The following IGSF11 variants were observed in gnomAD, a reference collection of about 807,000 sequenced individuals.
IGSF11 encodes the protein immunoglobulin superfamily member 11, also known as CXADR like 1.
A neutral mutation model predicts 41.0 loss-of-function variants in IGSF11; 22 were observed. The observed-to-expected ratio is 0.54, with a 90% confidence interval of 0.38 to 0.77. The LOEUF (loss-of-function observed/expected upper bound fraction) is 0.77, where lower values mean the gene tolerates loss of function less well. Ranked by LOEUF, IGSF11 falls within the 30% of genes least tolerant of loss-of-function variation. The pLI, the probability that IGSF11 is intolerant of heterozygous loss-of-function variation, is 0.00. For missense variants in IGSF11, 444 were observed against 530.8 expected (o/e 0.84, Z 1.61); for synonymous variants, 219 against 201.3 (o/e 1.09, Z -0.74).
chr3:119,085,302 C>T (rs1391663747), intron 1 of IGSF11, among the ~76,000 whole-genome samples: 1 of 152,160 alleles, frequency 6.6e-6, no homozygotes, highest in African/African-American at 2.4e-5. Flanking sequence ...CTAATTCTCC[C>T]ACCTGCGAAA....
At chr3:119,067,632 T>G (rs1033963026) in intron 1 of IGSF11, among the ~76,000 whole-genome samples, 4 of 151,604 alleles carry the variant, frequency 2.6e-5, no homozygotes, top group African/African-American at 7.3e-5. Flanking sequence ...GGGAAAAAAC[T>G]TTAGATTTTT....
intron 1 of IGSF11, among the ~76,000 whole-genome samples, chr3:119,091,996 G>A (rs887197691): frequency 4.6e-5 from 4 of 87,890 alleles, no homozygotes; most frequent in African/African-American, 6.5e-5. Flanking sequence ...GTTTTTTTGG[G>A]GGGGGGGGGT....
At chr3:119,064,501 C>T (rs1942157968) in intron 1 of IGSF11, among the ~76,000 whole-genome samples, 1 of 144,256 alleles carries the variant, frequency 6.9e-6, no homozygotes, top group Non-Finnish European at 1.5e-5. Flanking sequence ...CTGAGATTGC[C>T]TTGGCTGCTC....
At chr3:118,929,260 T>C (rs998422940) in intron 2 of IGSF11, among the ~76,000 whole-genome samples, 2 of 152,240 alleles carry the variant, frequency 1.3e-5, no homozygotes, top group African/African-American at 4.8e-5. Flanking sequence ...CTCAGTTCTA[T>C]TCAAGCTCTA....
At chr3:118,915,315 G>A (rs1199800533) in intron 4 of IGSF11, among the ~76,000 whole-genome samples, 72 of 122,034 alleles carry the variant, frequency 5.9e-4, no homozygotes, top group African/African-American at 2.6e-3. Flanking sequence ...TCTGAGCTAC[G>A]GGAGGACATT....
rs545969559 is a variant in IGSF11, at chr3:118,935,377, C to T, written c.53-5102G>A. Among the ~76,000 whole-genome samples, 476 of 106,622 alleles carry T rather than the reference C, an allele frequency of 4.5e-3. 1 individual carries two copies. Among genetic ancestry groups the T allele is most frequent in the South Asian group, 0.021 (76 of 3,536 alleles). 69.9% of individuals were successfully genotyped at this position (106,622 alleles called of 152,430 possible). ...ATGTATATACACCCTGAGATATATA[C>T]ACACACACACACACACACATACACA... On this transcript the variant is annotated intron_variant, in intron 1 of 6. Transcript: ENST00000393775.
intron 1 of IGSF11, among the ~76,000 whole-genome samples, chr3:118,953,379 T>C (rs1185106292): frequency 6.6e-6 from 1 of 152,214 alleles, no homozygotes; most frequent in Non-Finnish European, 1.5e-5. Context: ...TATCTTTTTG[T>C]ATAATGACTT....
At chr3:119,081,736 TA>T (rs1190255305) in intron 1 of IGSF11, among the ~76,000 whole-genome samples, 1 of 152,204 alleles carries the variant, frequency 6.6e-6, no homozygotes, top group Non-Finnish European at 1.5e-5. Flanking sequence ...TGCTGTTACT[TA>T]CTCACACCTC....
intron 1 of IGSF11, among the ~76,000 whole-genome samples, 168 bp downstream of exon 1, chr3:119,034,363 T>C (rs758216612): frequency 2.6e-5 from 4 of 152,150 alleles, no homozygotes; most frequent in Admixed American, 6.5e-5. Context: ...AAGCAGCCGC[T>C]GCAGGTGCGC....
intron 1 of IGSF11, among the ~76,000 whole-genome samples, chr3:119,130,908 C>T (rs971959465): frequency 5.9e-5 from 9 of 152,220 alleles, no homozygotes; most frequent in Admixed American, 2.6e-4. Context: ...AATATCCAGG[C>T]GAACGGCCTG....
chr3:118,968,702 C>T (rs1933002941), intron 1 of IGSF11, among the ~76,000 whole-genome samples: 1 of 152,188 alleles, frequency 6.6e-6, no homozygotes, highest in South Asian at 2.1e-4. Context: ...ATCTGTGATG[C>T]CCATATTCCA....
intron 1 of IGSF11, among the ~76,000 whole-genome samples, chr3:119,055,022 A>G (rs1314980288): frequency 6.6e-6 from 1 of 152,186 alleles, no homozygotes; most frequent in Non-Finnish European, 1.5e-5. Flanking sequence ...CGGTTCACCA[A>G]TATCCGTTGT....
At chr3:119,036,942 G>C (rs1940937202), upstream of IGSF11, among the ~76,000 whole-genome samples, 1 of 152,164 alleles carries the variant, frequency 6.6e-6, no homozygotes, top group Non-Finnish European at 1.5e-5. Context: ...ATTTCAGGAG[G>C]CAATCCAGCT....
chr3:119,137,705 G>A (rs1256250371), intron 1 of IGSF11, among the ~76,000 whole-genome samples: 3 of 152,040 alleles, frequency 2.0e-5, no homozygotes, highest in Non-Finnish European at 2.9e-5. Flanking sequence ...AGCAAAAATG[G>A]ACAAATTGGA....
At chr3:119,130,811 C>T (rs967071592) in intron 1 of IGSF11, among the ~76,000 whole-genome samples, 1 of 152,292 alleles carries the variant, frequency 6.6e-6, no homozygotes, top group Admixed American at 6.5e-5. Context: ...CAGGCAGGTG[C>T]CCCTCTGGGA....
intron 1 of IGSF11, among the ~76,000 whole-genome samples, chr3:119,053,891 A>G (rs1389824827): frequency 7.2e-5 from 11 of 152,186 alleles, no homozygotes; most frequent in Admixed American, 5.9e-4. Flanking sequence ...ATCTTCATCA[A>G]AGCCAACAAA....
intron 1 of IGSF11, among the ~76,000 whole-genome samples, chr3:118,943,561 C>T (rs938741094): frequency 3.3e-5 from 5 of 152,110 alleles, no homozygotes; most frequent in African/African-American, 9.7e-5. Flanking sequence ...ATGTGACTGG[C>T]CTTTTTCAGA....
intron 1 of IGSF11, among the ~76,000 whole-genome samples, chr3:118,999,278 G>C (rs1936573267): frequency 6.6e-6 from 1 of 152,024 alleles, no homozygotes; most frequent in Non-Finnish European, 1.5e-5. Flanking sequence ...TTTTTAAAAA[G>C]TGAACCATGT....
chr3:119,007,265 A>G (rs6438479), intron 1 of IGSF11, among the ~76,000 whole-genome samples: 36,485 of 119,328 alleles, frequency 0.31, 7,490 homozygotes, highest in African/African-American at 0.61. Flanking sequence ...ACTCGGAAAG[A>G]GAACTCCCTG....
Sources: gnomAD v4.1 joint callset for allele counts (sites outside exome capture counted in the v4.1 genomes callset) on GRCh38, gnomAD v4.1.1 for gene constraint, MANE v1.5 for transcripts, NCBI Gene and HGNC (gene_info 2026-07-23, HGNC 2026-07-21) for gene names.